Variants in ARAP1 observed in about 807,000 individuals in gnomAD.
ARAP1 encodes the protein arf-GAP with Rho-GAP domain, ANK repeat and PH domain-containing protein 1.
In ARAP1, 76 loss-of-function variants were observed where a neutral mutation model predicts 172.2. The ratio of observed to expected loss-of-function variants is 0.44; its 90% confidence interval spans 0.37 to 0.53. ARAP1 has a LOEUF of 0.53. ARAP1 is among the 20% of genes least tolerant of loss of function. The pLI, the probability that ARAP1 is intolerant of heterozygous loss-of-function variation, is 0.00. For synonymous variants in ARAP1, 804 were observed against 803.3 expected, an observed-to-expected ratio of 1.00 and a Z score of -0.01; for missense variants, 1,686 against 1,977.5, an observed-to-expected ratio of 0.85 and a Z score of 2.80.
At position 72,695,190 on chromosome 11, in the gene ARAP1, C is replaced by G; in HGVS notation, c.3577-93G>C. On this transcript the variant is annotated intron_variant, in intron 26 of 34. Coordinates refer to ENST00000393609, the MANE Select transcript of ARAP1 (RefSeq NM_001040118.3). The surrounding 1 kb of genome is among the most constrained non-coding windows in gnomAD (Gnocchi z 4.4). ...TGACTCAGAGCCTGAGCCCATCCTT[C>G]TCAGGCCCTTCTGGAGTCCTGGGAT... The G allele has an allele frequency of 6.9e-7, 1 of 1,442,846 alleles. No homozygotes were observed. Among genetic ancestry groups the G allele is most frequent in the Non-Finnish European group, 9.6e-7 (1 of 1,038,476 alleles). The allele number at this position is 1,442,846 out of a possible 1,614,324, so 89.4% of individuals were successfully genotyped here.
At position 72,725,304 on chromosome 11, in the gene ARAP1, CTCTCTCTCTCTCTCTTTT is replaced by C. The variant is rs1857653310; in HGVS notation, c.509+1298_509+1315del. Among the ~76,000 whole-genome samples, 1 of 150,928 alleles carries C rather than the reference CTCTCTCTCTCTCTCTTTT, an allele frequency of 6.6e-6. No homozygotes were observed. The highest frequency in any genetic ancestry group is 2.4e-5 in the African/African-American group (1 of 41,280). On this transcript the variant is annotated intron_variant, in intron 3 of 34. Transcript: ENST00000393609. The surrounding 1 kb of genome is among the most constrained non-coding windows in gnomAD (Gnocchi z 4.3). ...CTCTTCTCTCTTCTAACCTCTCTCT[CTCTCTCTCTCTCTCTTTT>C]TCTCTCTCTCTCTCCCCCCCACAAG...
At chr11:72,715,087 T>C (rs1323772143) in intron 3 of ARAP1, among the ~76,000 whole-genome samples, 2 of 152,236 alleles carry the variant, frequency 1.3e-5, no homozygotes, top group African/African-American at 4.8e-5. Context: ...ATCAAGGACA[T>C]GAATTTGAAT....
In ARAP1 at chr11:72,726,518, C is replaced by T. The variant is rs190781963; in HGVS notation, c.509+102G>A. The T allele has an allele frequency of 1.4e-5, 20 of 1,391,702 alleles. No individual in the cohort carries two copies. In the African/African-American group the frequency reaches 2.0e-4, roughly 14 times the overall value. 86.2% of individuals were successfully genotyped at this position (1,391,702 alleles called of 1,614,324 possible). ...GCACACGCTGTTCCCCCTGCACTTC[C>T]GAAGTGCCTTTCTTACCCCAGCACC... On this transcript the variant is annotated intron_variant, in intron 3 of 34. Coordinates refer to ENST00000393609, the MANE Select transcript of ARAP1 (RefSeq NM_001040118.3). This position sits in a 1 kb window ranked among gnomAD's most constrained non-coding sequence, Gnocchi z 6.5.
chr11:72,703,162 A>G (rs1225923069), intron 14 of ARAP1, 83 bp from the exon 15 acceptor site: 1 of 1,366,460 alleles, frequency 7.3e-7, no homozygotes. Context: ...AGAGGAAAGA[A>G]AAGGAAGGAG....
chr11:72,737,800 T>C (rs1858078449), intron 1 of ARAP1, among the ~76,000 whole-genome samples: 1 of 152,124 alleles, frequency 6.6e-6, no homozygotes, highest in African/African-American at 2.4e-5. Context: ...ATATTTGTAC[T>C]TTTTGTAGAG....
At chr11:72,687,790 A>C in intron 31 of ARAP1, 52 bp from the exon 32 acceptor site, 9 of 1,600,972 alleles carry the variant, frequency 5.6e-6, no homozygotes, top group Non-Finnish European at 7.7e-6. Flanking sequence ...ATAGAGGCTC[A>C]ACACCCCAGT....
chr11:72,733,928 C>T (rs1031054525), intron 1 of ARAP1, among the ~76,000 whole-genome samples: 4 of 152,146 alleles, frequency 2.6e-5, no homozygotes, highest in Non-Finnish European at 5.9e-5. Flanking sequence ...AGTTCAAGCA[C>T]GATTCTCTTG....
At chr11:72,703,415 G>GC in intron 14 of ARAP1, 1 of 134,786 alleles carries the variant, frequency 7.4e-6, no homozygotes, top group Admixed American at 8.0e-5. Flanking sequence ...AGCCGGGGGG[G>GC]GGGTGTGCTT....
In ARAP1 at chr11:72,729,290, T is replaced by G. The variant is rs563493000; in HGVS notation, c.-44-2118A>C. Among the ~76,000 whole-genome samples the G allele has an allele frequency of 9.3e-4, 142 of 152,280 alleles. 1 individual carries two copies. Among genetic ancestry groups the G allele is most frequent in the African/African-American group, 3.2e-3 (131 of 41,548 alleles). On this transcript the variant is annotated intron_variant, in intron 2 of 34. Transcript: ENST00000393609. ...AAACATTACAGCTGTATCAAAGACT[T>G]CAGTATTTTAAAAAACCATGGCTGG...
At chr11:72,751,877 G>A (rs1858541321) in intron 1 of ARAP1, among the ~76,000 whole-genome samples, 1 of 152,238 alleles carries the variant, frequency 6.6e-6, no homozygotes, top group South Asian at 2.1e-4. Context: ...CTCTGGGGAA[G>A]CCATGCCCCA....
chr11:72,709,695 G>T, intron 11 of ARAP1, 175 bp downstream of exon 11: 1 of 687,186 alleles, frequency 1.5e-6, no homozygotes, highest in Non-Finnish European at 2.6e-6. Context: ...CCTCTCAGGA[G>T]GGAAGGAGAT....
Position 72,712,643 on chromosome 11 carries a change from C to T in ARAP1, c.748-75G>A, listed in dbSNP as rs753450186. On this transcript the variant is annotated intron_variant, in intron 5 of 34. Transcript: ENST00000393609. ...ACACCCACCCGGGGCTGCCACGCCC[C>T]CTCTGTCCACACAGCCCCGACCCAC... 5 of 1,602,158 alleles carry T rather than the reference C, an allele frequency of 3.1e-6. No homozygotes were observed. In the African/African-American group the frequency reaches 5.3e-5, roughly 17 times the overall value.
rs1045071998 is a variant in ARAP1, at chr11:72,710,218, C to T, written c.1416+167G>A. Reference sequence around the variant, plus strand: ...AGGGACTGGAGGGCAGTGCTCAGAGCCTGGGGGAAGTGGTCAGAACTTGGG... The same window carrying T: ...AGGGACTGGAGGGCAGTGCTCAGAGTCTGGGGGAAGTGGTCAGAACTTGGG... On this transcript the variant is annotated intron_variant, in intron 10 of 34. Transcript: ENST00000393609. The surrounding 1 kb of genome is among the most constrained non-coding windows in gnomAD (Gnocchi z 4.3). Among the ~76,000 whole-genome samples the T allele has an allele frequency of 6.6e-6, 1 of 151,690 alleles. No homozygotes were observed. The highest frequency in any genetic ancestry group is 6.6e-5 in the Admixed American group (1 of 15,246).
rs1451368975 is a variant in ARAP1 at position 72,693,577 on chromosome 11, C to T, written c.3809-107G>A. The T allele has an allele frequency of 1.3e-6, 2 of 1,539,136 alleles. No homozygotes were observed. Among genetic ancestry groups the T allele is most frequent in the East Asian group, 4.5e-5 (2 of 43,996 alleles). On this transcript the variant is annotated intron_variant, in intron 28 of 34. Coordinates refer to ENST00000393609, the MANE Select transcript of ARAP1 (RefSeq NM_001040118.3). This position sits in a 1 kb window ranked among gnomAD's most constrained non-coding sequence, Gnocchi z 4.6. Reference sequence around the variant, plus strand: ...TCCTGCCCCAGCCTCTCCATAGAGGCCCACCCACTTGGCGCCCTCTGTCTG... The same window carrying T: ...TCCTGCCCCAGCCTCTCCATAGAGGTCCACCCACTTGGCGCCCTCTGTCTG...
chr11:72,737,240 T>C (rs1858058186), intron 1 of ARAP1, among the ~76,000 whole-genome samples: 1 of 152,182 alleles, frequency 6.6e-6, no homozygotes, highest in Non-Finnish European at 1.5e-5. Context: ...GCCCAGGACC[T>C]GGCTGGGCTC....
rs1856171411 is a variant in ARAP1 at position 72,695,982 on chromosome 11, AG to A, written c.3273-118del. ...TGGTCAGAGGGGACCACTGTTTAAC[AG>A]GGTAGGAACAGTTTTTCTGGCCATA... On this transcript the variant is annotated intron_variant, in intron 23 of 34. Coordinates refer to ENST00000393609, the MANE Select transcript of ARAP1 (RefSeq NM_001040118.3). The surrounding 1 kb of genome is among the most constrained non-coding windows in gnomAD (Gnocchi z 4.4). 1 of 1,296,596 alleles carries A rather than the reference AG, an allele frequency of 7.7e-7. No homozygotes were observed. Among genetic ancestry groups the A allele is most frequent in the African/African-American group, 1.5e-5 (1 of 66,868 alleles). 80.3% of individuals were successfully genotyped at this position (1,296,596 alleles called of 1,614,324 possible). A position where few individuals can be genotyped will look rare whatever the true frequency, so the allele number is the denominator to read the frequency against.
Position 72,698,934 on chromosome 11 carries a change from T to C in ARAP1, c.2541+71A>G, listed in dbSNP as rs562888008. ...CTCTAGACGGGGGAGCTGGGATACA[T>C]GGGATTGGCCAGGAGGCCCCACCTT... On this transcript the variant is annotated intron_variant, in intron 18 of 34. Coordinates refer to ENST00000393609, the MANE Select transcript of ARAP1 (RefSeq NM_001040118.3). 19 of 1,488,284 alleles carry C rather than the reference T, an allele frequency of 1.3e-5. No individual in the cohort carries two copies. In the South Asian group the frequency reaches 1.7e-4, roughly 13 times the overall value. 92.2% of individuals were successfully genotyped at this position (1,488,284 alleles called of 1,614,324 possible).
At chr11:72,703,250 G>A (rs927917705) in intron 14 of ARAP1, 171 bp from the exon 15 acceptor site, 1 of 731,530 alleles carries the variant, frequency 1.4e-6, no homozygotes. Flanking sequence ...AGAGGGAAGA[G>A]AGAGGCCAAG....
chr11:72,722,624 T>C (rs967931700), intron 3 of ARAP1, among the ~76,000 whole-genome samples: 1 of 152,168 alleles, frequency 6.6e-6, no homozygotes, highest in Non-Finnish European at 1.5e-5. Flanking sequence ...AGACCAGGGA[T>C]TGGCTGGACT....
Sources: gnomAD v4.1 joint callset for allele counts (sites outside exome capture counted in the v4.1 genomes callset) on GRCh38, gnomAD v4.1.1 for gene constraint, Gnocchi (gnomAD v3.1) non-coding constraint, MANE v1.5 for transcripts, NCBI Gene and HGNC (gene_info 2026-07-23, HGNC 2026-07-21) for gene names.